The following METAP1D variants were observed in gnomAD, a reference collection of about 807,000 sequenced individuals.
METAP1D encodes methionine aminopeptidase 1D, mitochondrial.
In METAP1D, 31 loss-of-function variants were observed where a neutral mutation model predicts 40.5. The ratio of observed to expected loss-of-function variants is 0.77; its 90% CI spans 0.58 to 1.03. The LOEUF is 1.03. METAP1D is among the 50% of genes least tolerant of loss of function. METAP1D has a pLI of 0.00. For missense variants in METAP1D, 411 were observed against 420.7 expected (o/e 0.98, Z 0.20); for synonymous variants, 151 against 146.4 (o/e 1.03, Z -0.22).
At chr2:172,039,375 C>T (rs185055308) in intron 1 of METAP1D, among the ~76,000 whole-genome samples, 1 of 152,308 alleles carries the variant, frequency 6.6e-6, no homozygotes, top group African/African-American at 2.4e-5. Flanking sequence ...GGGTAATGAG[C>T]AGCTACAACT....
chr2:172,050,837 T>C (rs1689870097), intron 1 of METAP1D, among the ~76,000 whole-genome samples: 1 of 152,216 alleles, frequency 6.6e-6, no homozygotes, highest in Non-Finnish European at 1.5e-5. Context: ...GATATTTTGA[T>C]GACATTTTTC....
At chr2:172,036,107 G>A (rs1372108064) in intron 1 of METAP1D, among the ~76,000 whole-genome samples, 1 of 151,894 alleles carries the variant, frequency 6.6e-6, no homozygotes, top group Non-Finnish European at 1.5e-5. Flanking sequence ...CACTAGGTCA[G>A]GAGATCAAGA....
chr2:172,079,991 C>A, intron 8 of METAP1D, 137 bp from the exon 9 acceptor site: 1 of 707,002 alleles, frequency 1.4e-6, no homozygotes, highest in Non-Finnish European at 2.4e-6. Flanking sequence ...TCAACCCTTG[C>A]AAGATGACAA....
At chr2:172,069,264 A>G (rs1319059674) in intron 5 of METAP1D, among the ~76,000 whole-genome samples, 1 of 152,210 alleles carries the variant, frequency 6.6e-6, no homozygotes, top group Admixed American at 6.5e-5. Flanking sequence ...ATGAATAAAG[A>G]TTTTTTAAAA....
In METAP1D at chr2:172,043,070, CGT is replaced by C. The variant is rs1241021110; in HGVS notation, c.41-18419_41-18418del. 1.5e-4 allele frequency among the ~76,000 whole-genome samples: 16 copies of C among 108,394 alleles called. 4 individuals are homozygous for C. Among genetic ancestry groups the C allele is most frequent in the African/African-American group, 4.1e-4 (14 of 34,146 alleles). 71.1% of individuals were successfully genotyped at this position (108,394 alleles called of 152,430 possible). A position where few individuals can be genotyped will look rare whatever the true frequency, so the allele number is the denominator to read the frequency against. On this transcript the variant is annotated intron_variant, in intron 1 of 9. Coordinates refer to ENST00000315796, the MANE Select transcript of METAP1D (RefSeq NM_199227.3). ...GTACACATATATGTGTATATATATA[CGT>C]GTGTGTGTACATATATTTACATACA...
In METAP1D at chr2:172,077,871, G is replaced by T; in HGVS notation, c.779G>T (p.Gly260Val). 1 of 1,608,018 alleles carries T rather than the reference G, an allele frequency of 6.2e-7. No individual in the cohort carries two copies. Among genetic ancestry groups the T allele is most frequent in the South Asian group, 1.1e-5 (1 of 90,550 alleles). ...CATGGAATAGGATCTTACTTTCATG[G>T]ACATCCAGAAATTTGGCATCATGGT... is the stretch of plus-strand genomic sequence containing the variant. Reference protein sequence around the residue: ...VGHGIGSYFHGHPEIWHHAND... With the variant: ...VGHGIGSYFHVHPEIWHHAND... Residue 260 changes from glycine to valine, a missense_variant, in exon 7 of 10, where the codon GGA becomes GTA. Gly to Val is a moderately radical substitution (Grantham distance 109). Coordinates refer to ENST00000315796, the MANE Select transcript of METAP1D (RefSeq NM_199227.3).
chr2:172,010,136 T>C (rs1432135179), intron 1 of METAP1D, among the ~76,000 whole-genome samples: 1 of 149,630 alleles, frequency 6.7e-6, no homozygotes, highest in Admixed American at 6.7e-5. Flanking sequence ...GGGTTTTTTG[T>C]CCCTTCTTTT....
chr2:172,048,567 T>G (rs1164518551), intron 1 of METAP1D, among the ~76,000 whole-genome samples: 2 of 152,342 alleles, frequency 1.3e-5, no homozygotes, highest in South Asian at 2.1e-4. Context: ...AAGGCATATC[T>G]TTTGGAGGAA....
intron 1 of METAP1D, among the ~76,000 whole-genome samples, chr2:172,006,253 G>A (rs1167202297): frequency 6.6e-6 from 1 of 150,920 alleles, no homozygotes; most frequent in African/African-American, 2.4e-5. Flanking sequence ...GCGGGATCTC[G>A]GCTCACTGCA....
intron 1 of METAP1D, chr2:172,021,882 G>C (rs1469530957): frequency 6.6e-6 from 1 of 152,200 alleles, no homozygotes; most frequent in Non-Finnish European, 1.5e-5. Context: ...GAAAATGTTT[G>C]TGTATATTTT....
At chr2:172,035,855 C>T (rs11673986) in intron 1 of METAP1D, among the ~76,000 whole-genome samples, 42,295 of 151,540 alleles carry the variant, frequency 0.28, 6,766 homozygotes, top group Middle Eastern at 0.4. Flanking sequence ...CCTATGTTGC[C>T]CAGGCTGATC....
chr2:172,054,138 T>C (rs1404741644), intron 1 of METAP1D, among the ~76,000 whole-genome samples: 1 of 152,154 alleles, frequency 6.6e-6, no homozygotes. Context: ...TGGTATAGGA[T>C]GCATGAGCAG....
chr2:172,060,284 C>T (rs551098653), intron 1 of METAP1D, among the ~76,000 whole-genome samples: 4 of 151,918 alleles, frequency 2.6e-5, no homozygotes, highest in Admixed American at 6.5e-5. Flanking sequence ...GGCATGGTAG[C>T]ATGTGCCTGT....
intron 1 of METAP1D, among the ~76,000 whole-genome samples, chr2:172,060,883 T>A (rs565225857): frequency 1.6e-4 from 24 of 152,378 alleles, no homozygotes; most frequent in African/African-American, 5.5e-4. Flanking sequence ...TATGTGCATT[T>A]AAAATTTTGA....
chr2:172,047,474 C>T (rs1689787010), intron 1 of METAP1D, among the ~76,000 whole-genome samples: 3 of 151,988 alleles, frequency 2.0e-5, no homozygotes, highest in South Asian at 2.1e-4. Context: ...CACTTTGTTG[C>T]CCAGGCTGGA....
chr2:172,079,997 GACA>G (rs1485800113), intron 8 of METAP1D, 128 bp from the exon 9 acceptor site: 6 of 729,490 alleles, frequency 8.2e-6, no homozygotes, highest in Non-Finnish European at 1.4e-5. Flanking sequence ...CTTGCAAGAT[GACA>G]ACATGAGCCT....
Position 172,045,807 on chromosome 2 carries a change from GTGTGTGTGTGTGTA to G in METAP1D, c.41-15689_41-15676del, listed in dbSNP as rs1268993842. Among the ~76,000 whole-genome samples, 12 of 52,854 alleles carry G rather than the reference GTGTGTGTGTGTGTA, an allele frequency of 2.3e-4. No homozygotes were observed. In the East Asian group the frequency reaches 6.1e-3, roughly 27 times the overall value. 34.7% of individuals were successfully genotyped at this position (52,854 alleles called of 152,430 possible). ...TATGTATATGTATATATGTGTGTGT[GTGTGTGTGTGTGTA>G]TATATATATATATATATATATATAT... On this transcript the variant is annotated intron_variant, in intron 1 of 9. Coordinates refer to ENST00000315796, the MANE Select transcript of METAP1D (RefSeq NM_199227.3).
At chr2:172,015,233 G>A (rs1259559070) in intron 1 of METAP1D, among the ~76,000 whole-genome samples, 4 of 151,934 alleles carry the variant, frequency 2.6e-5, no homozygotes, top group African/African-American at 4.8e-5. Flanking sequence ...CAAAAATGGC[G>A]AAACCTCGTC....
intron 1 of METAP1D, among the ~76,000 whole-genome samples, chr2:172,005,208 G>A (rs1050769404): frequency 6.6e-6 from 1 of 151,718 alleles, no homozygotes; most frequent in Admixed American, 6.6e-5. Flanking sequence ...GTAGTTTTTC[G>A]TTACATGGAT....
Sources: gnomAD v4.1 joint callset for allele counts (sites outside exome capture counted in the v4.1 genomes callset) on GRCh38, gnomAD v4.1.1 for gene constraint, MANE v1.5 for transcripts, NCBI Gene and HGNC (gene_info 2026-07-23, HGNC 2026-07-21) for gene names.